The following CDH13 variants were observed in gnomAD, a reference collection of about 807,000 sequenced individuals.
CDH13 encodes the protein cadherin-13.
In CDH13, 24 loss-of-function variants were observed where a neutral mutation model predicts 63.8. That is an observed-to-expected ratio of 0.38 (90% confidence interval 0.27 to 0.53). The LOEUF is 0.53. Among genes scored for constraint, CDH13 ranks in the 20% least tolerant of loss-of-function variants. The pLI is 0.85. For missense variants in CDH13, 1,049 were observed against 903.1 expected (o/e 1.16, Z -2.07); for synonymous variants, 503 against 355.3 (o/e 1.42, Z -4.67).
Position 82,919,900 on chromosome 16 carries a change from C to T in CDH13, c.157+61427C>T, listed in dbSNP as rs141431048. 1.2e-3 allele frequency among the ~76,000 whole-genome samples: 186 copies of T among 152,240 alleles called. 1 individual carries two copies. The highest frequency in any genetic ancestry group is 4.3e-3 in the African/African-American group (177 of 41,530). On this transcript the variant is annotated intron_variant, in intron 2 of 13. Transcript: ENST00000567109. The stretch of plus-strand genomic sequence containing the variant: ...AATAATAGTCCTTGCCTTATTGAAA[C>T]TTAGAGTCAAATGAGGGGAATTATT...
chr16:83,234,948 G>T (rs2040102254), intron 5 of CDH13, among the ~76,000 whole-genome samples: 1 of 152,184 alleles, frequency 6.6e-6, no homozygotes, highest in Non-Finnish European at 1.5e-5. Context: ...TGTAATCCCA[G>T]TGCCTTGGGA....
At chr16:83,473,665 C>G (rs1375732995) in intron 6 of CDH13, among the ~76,000 whole-genome samples, 2 of 152,148 alleles carry the variant, frequency 1.3e-5, no homozygotes, top group Non-Finnish European at 2.9e-5. Context: ...TCCTCAATAG[C>G]CACTCTGTAG....
Position 83,373,084 on chromosome 16 carries a change from C to G in CDH13, c.781+28078C>G, listed in dbSNP as rs141944167. On this transcript the variant is annotated intron_variant, in intron 6 of 13. Transcript: ENST00000567109. ...CCAGTTTTAAAGTTGGCTTTGACAA[C>G]TTTTCCAAAGCCAGAGTTTGGGCAT... Among the ~76,000 whole-genome samples the G allele has an allele frequency of 6.5e-3, 983 of 152,220 alleles. 9 individuals carry two copies. The highest frequency in any genetic ancestry group is 0.022 in the African/African-American group (909 of 41,526).
intron 6 of CDH13, among the ~76,000 whole-genome samples, chr16:83,363,635 C>A (rs1178074745): frequency 6.6e-6 from 1 of 152,186 alleles, no homozygotes; most frequent in African/African-American, 2.4e-5. Context: ...TTTTGAGAGA[C>A]TTCAAGATGT....
In CDH13 at chr16:82,717,094, A is replaced by G. The variant is rs528237105; in HGVS notation, c.45+89957A>G. 4.6e-5 allele frequency among the ~76,000 whole-genome samples: 7 copies of G among 152,198 alleles called. No homozygotes were observed. The East Asian group carries it at 1.2e-3, about 25-fold the overall frequency. Reference sequence around the variant, plus strand: ...ACTTGGCTGCTGGAGAAGTCTGCCCAGGTGCACTTCATAACCACACTGCCA... The same window carrying G: ...ACTTGGCTGCTGGAGAAGTCTGCCCGGGTGCACTTCATAACCACACTGCCA... On this transcript the variant is annotated intron_variant, in intron 1 of 13. Transcript: ENST00000567109.
chr16:83,529,090 TC>T (rs2075026111), intron 7 of CDH13, among the ~76,000 whole-genome samples: 2 of 76,430 alleles, frequency 2.6e-5, no homozygotes, highest in South Asian at 4.2e-4. Flanking sequence ...AATACCTCTG[TC>T]TTTTTTTTTT....
intron 1 of CDH13, among the ~76,000 whole-genome samples, chr16:82,630,051 G>A (rs540128377): frequency 7.9e-5 from 12 of 152,152 alleles, no homozygotes; most frequent in Admixed American, 3.9e-4. Context: ...CTGAGATTTC[G>A]CTATAAAGTG....
At chr16:82,882,232 G>A (rs1352109791) in intron 2 of CDH13, among the ~76,000 whole-genome samples, 2 of 152,126 alleles carry the variant, frequency 1.3e-5, no homozygotes, top group Non-Finnish European at 2.9e-5. Context: ...ATAATAATAA[G>A]CATTAATCTC....
chr16:82,664,743 A>T lies in CDH13; in HGVS notation c.45+37606A>T, dbSNP rs571296661. Among the ~76,000 whole-genome samples, 8 of 152,346 alleles carry T rather than the reference A, an allele frequency of 5.3e-5. No individual in the cohort carries two copies. In the East Asian group the frequency reaches 1.5e-3, roughly 29 times the overall value. On this transcript the variant is annotated intron_variant, in intron 1 of 13. Transcript: ENST00000567109. ...TCACTTTACTGGTTTGGTATGTAAA[A>T]CTGAGGGTTTTCTTCTACCCAGTGG... is the stretch of plus-strand genomic sequence containing the variant.
chr16:82,966,159 G>C (rs1268048743), intron 2 of CDH13, among the ~76,000 whole-genome samples: 1 of 152,046 alleles, frequency 6.6e-6, no homozygotes, highest in African/African-American at 2.4e-5. Flanking sequence ...TTGTTTGTTT[G>C]TTTGTTTGAG....
intron 2 of CDH13, among the ~76,000 whole-genome samples, chr16:82,903,773 C>G (rs1433184230): frequency 1.3e-5 from 2 of 152,094 alleles, no homozygotes; most frequent in Non-Finnish European, 2.9e-5. Context: ...CCTGGAATAA[C>G]CCTTAGAGCA....
intron 6 of CDH13, among the ~76,000 whole-genome samples, chr16:83,452,041 G>A (rs1299786203): frequency 1.3e-5 from 2 of 152,082 alleles, no homozygotes; most frequent in African/African-American, 2.4e-5. Context: ...GCCAAATTGA[G>A]CCTCATCTGC....
At chr16:82,869,099 T>A (rs762004393) in intron 2 of CDH13, among the ~76,000 whole-genome samples, 1 of 152,292 alleles carries the variant, frequency 6.6e-6, no homozygotes, top group Non-Finnish European at 1.5e-5. Flanking sequence ...CAGGCTGGAG[T>A]GCAGTGGCGC....
intron 13 of CDH13, among the ~76,000 whole-genome samples, chr16:83,792,174 G>C (rs1163058748): frequency 6.6e-6 from 1 of 152,240 alleles, no homozygotes; most frequent in African/African-American, 2.4e-5. Flanking sequence ...GCTGTCTTCG[G>C]CCTGCAGACG....
chr16:83,340,305 AGTGTGT>A (rs147527566), intron 5 of CDH13, among the ~76,000 whole-genome samples: 2 of 150,282 alleles, frequency 1.3e-5, no homozygotes, highest in Non-Finnish European at 3.0e-5. Flanking sequence ...CCTACATCTG[AGTGTGT>A]GTGTGTGTGT....
intron 8 of CDH13, among the ~76,000 whole-genome samples, chr16:83,626,028 CA>C (rs1395659233): frequency 2.6e-5 from 3 of 116,490 alleles, no homozygotes; most frequent in Non-Finnish European, 3.6e-5. Flanking sequence ...TTTTTTTTTT[CA>C]AAGCAGGGTC....
At chr16:82,810,696 TG>T (rs990684033) in intron 1 of CDH13, among the ~76,000 whole-genome samples, 66 of 152,140 alleles carry the variant, frequency 4.3e-4, no homozygotes, top group African/African-American at 1.6e-3. Flanking sequence ...TACATGGGAT[TG>T]GGGGGTGCTC....
At chr16:82,962,326 G>C (rs948768458) in intron 2 of CDH13, among the ~76,000 whole-genome samples, 2 of 152,142 alleles carry the variant, frequency 1.3e-5, no homozygotes, top group Non-Finnish European at 2.9e-5. Context: ...AAGCAAGGAA[G>C]GATCCTTTTT....
At chr16:82,721,320 G>C (rs1360006734) in intron 1 of CDH13, among the ~76,000 whole-genome samples, 1 of 152,146 alleles carries the variant, frequency 6.6e-6, no homozygotes, top group African/African-American at 2.4e-5. Flanking sequence ...TGTGCTGAAG[G>C]AATACAGATG....
Sources: gnomAD v4.1 joint callset for allele counts (sites outside exome capture counted in the v4.1 genomes callset) on GRCh38, gnomAD v4.1.1 for gene constraint, MANE v1.5 for transcripts, NCBI Gene and HGNC (gene_info 2026-07-23, HGNC 2026-07-21) for gene names.